DNM3: variants seen among roughly 807,000 people sequenced by gnomAD.
DNM3 encodes dynamin-3.
DNM3 carries 47 observed loss-of-function variants against 101.6 expected under a neutral mutation model. The observed-to-expected ratio is 0.46, with a 90% CI of 0.37 to 0.59. The LOEUF (loss-of-function observed/expected upper bound fraction) is 0.59. Ranked by LOEUF, DNM3 falls within the 20% of genes least tolerant of loss-of-function variation. The pLI is 0.00. For missense variants in DNM3, 849 were observed against 1,085.7 expected, an observed-to-expected ratio of 0.78 and a Z score of 3.06; for synonymous variants, 385 against 387.9, an observed-to-expected ratio of 0.99 and a Z score of 0.09.
At chr1:172,125,586 GT>G (rs796605054) in intron 13 of DNM3, among the ~76,000 whole-genome samples, 20 of 152,142 alleles carry the variant, frequency 1.3e-4, no homozygotes, top group African/African-American at 4.6e-4. Flanking sequence ...TGCTTTCAAA[GT>G]TTTCCTATTT....
chr1:172,334,735 T>C (rs1481966308), intron 17 of DNM3, among the ~76,000 whole-genome samples: 3 of 151,412 alleles, frequency 2.0e-5, no homozygotes, highest in Non-Finnish European at 2.9e-5. Flanking sequence ...CTGGTTTGCC[T>C]TAGGAAGTAT....
intron 4 of DNM3, among the ~76,000 whole-genome samples, chr1:172,025,517 C>T (rs562185281): frequency 5.9e-5 from 9 of 152,264 alleles, no homozygotes; most frequent in Admixed American, 1.3e-4. Flanking sequence ...GGAGACACCT[C>T]CCAGCAGGGG....
chr1:172,412,934 T>A (rs76002067), downstream of DNM3, among the ~76,000 whole-genome samples: 11 of 152,348 alleles, frequency 7.2e-5, no homozygotes, highest in East Asian at 2.1e-3. Context: ...TGGGAGACAT[T>A]GTGTTTCTGA....
chr1:172,166,206 A>G (rs940072812), intron 14 of DNM3, among the ~76,000 whole-genome samples: 1 of 152,062 alleles, frequency 6.6e-6, no homozygotes, highest in Non-Finnish European at 1.5e-5. Flanking sequence ...AGAAATGCTC[A>G]ATATATGTGT....
chr1:172,256,604 G>A (rs1047986019), intron 15 of DNM3, among the ~76,000 whole-genome samples: 1 of 151,416 alleles, frequency 6.6e-6, no homozygotes, highest in Non-Finnish European at 1.5e-5. Context: ...CTAGAGTTTT[G>A]TGTCTTTTCA....
intron 17 of DNM3, among the ~76,000 whole-genome samples, chr1:172,336,139 G>A (rs996160205): frequency 6.6e-6 from 1 of 152,018 alleles, no homozygotes; most frequent in African/African-American, 2.4e-5. Context: ...TAAGGCACAG[G>A]ACAGCCCCCC....
chr1:172,166,517 T>G (rs1441918627), intron 14 of DNM3, among the ~76,000 whole-genome samples: 1 of 152,086 alleles, frequency 6.6e-6, no homozygotes, highest in African/African-American at 2.4e-5. Flanking sequence ...CCAATTTGAT[T>G]ATCTCTAGCT....
intron 4 of DNM3, among the ~76,000 whole-genome samples, chr1:171,991,654 C>T (rs934028473): frequency 6.6e-6 from 1 of 152,148 alleles, no homozygotes; most frequent in African/African-American, 2.4e-5. Flanking sequence ...AAATCATTAG[C>T]TATTGGTGAT....
intron 14 of DNM3, among the ~76,000 whole-genome samples, chr1:172,180,722 G>A (rs1420331821): frequency 2.0e-5 from 3 of 152,068 alleles, no homozygotes; most frequent in East Asian, 1.9e-4. Flanking sequence ...TAGAGGGTTA[G>A]AGGAGAAGCT....
At chr1:171,880,464 T>G (rs982714825) in intron 1 of DNM3, among the ~76,000 whole-genome samples, 9 of 152,196 alleles carry the variant, frequency 5.9e-5, no homozygotes, top group African/African-American at 2.2e-4. Context: ...TGCATTTAAT[T>G]GGGATTATTT....
At chr1:172,267,775 A>G (rs1162976010) in intron 15 of DNM3, among the ~76,000 whole-genome samples, 1 of 151,812 alleles carries the variant, frequency 6.6e-6, no homozygotes, top group African/African-American at 2.4e-5. Flanking sequence ...TGCAGTGGCA[A>G]GATCTCTGCT....
At chr1:172,107,034 G>A (rs576433251) in intron 13 of DNM3, among the ~76,000 whole-genome samples, 130 of 147,840 alleles carry the variant, frequency 8.8e-4, no homozygotes, top group African/African-American at 2.6e-3. Flanking sequence ...CTAATTTTTT[G>A]TATTTTTAGT....
At chr1:172,099,134 G>A (rs1274172390) in intron 13 of DNM3, among the ~76,000 whole-genome samples, 1 of 152,196 alleles carries the variant, frequency 6.6e-6, no homozygotes, top group African/African-American at 2.4e-5. Context: ...AGAGAGACAG[G>A]TTGAGGTAAA....
chr1:172,339,973 A>T (rs1169077395), intron 17 of DNM3, among the ~76,000 whole-genome samples: 2 of 152,172 alleles, frequency 1.3e-5, no homozygotes, highest in East Asian at 3.9e-4. Context: ...ATAGGCAAGG[A>T]GTCCAATCAC....
intron 14 of DNM3, among the ~76,000 whole-genome samples, chr1:172,215,014 A>T (rs1225444265): frequency 6.6e-6 from 1 of 152,152 alleles, no homozygotes; most frequent in Non-Finnish European, 1.5e-5. Context: ...GACCAATTTC[A>T]TAAACAATAT....
At chr1:172,391,775 AAACCTAT>A (rs1172995427) in intron 20 of DNM3, among the ~76,000 whole-genome samples, 2 of 152,114 alleles carry the variant, frequency 1.3e-5, no homozygotes, top group African/African-American at 4.8e-5. Flanking sequence ...CTGAAACCAG[AAACCTAT>A]AACATGACAA....
intron 13 of DNM3, among the ~76,000 whole-genome samples, chr1:172,113,403 G>A (rs1367322443): frequency 1.3e-5 from 2 of 151,818 alleles, no homozygotes; most frequent in South Asian, 4.1e-4. Context: ...AGAAACTCAG[G>A]AAGTCGGAGT....
At chr1:172,153,271 T>A (rs1288648390) in intron 14 of DNM3, among the ~76,000 whole-genome samples, 1 of 152,138 alleles carries the variant, frequency 6.6e-6, no homozygotes, top group Non-Finnish European at 1.5e-5. Context: ...CTGCAACAAG[T>A]TCATACGGCA....
At chr1:172,058,792 A>G (rs2050877433) in intron 10 of DNM3, among the ~76,000 whole-genome samples, 1 of 151,780 alleles carries the variant, frequency 6.6e-6, no homozygotes. Context: ...AGAACTAGAA[A>G]AGCAAGAGCA....
Sources: gnomAD v4.1 joint callset for allele counts (sites outside exome capture counted in the v4.1 genomes callset) on GRCh38, gnomAD v4.1.1 for gene constraint, MANE v1.5 for transcripts, NCBI Gene and HGNC (gene_info 2026-07-23, HGNC 2026-07-21) for gene names.